The following NFIA variants were observed in gnomAD, a reference collection of about 807,000 sequenced individuals.
NFIA encodes nuclear factor 1 A-type.
NFIA carries 8 observed loss-of-function variants against 62.8 expected under a neutral mutation model. That is an observed-to-expected ratio of 0.13 (90% CI 0.07 to 0.23). The LOEUF (loss-of-function observed/expected upper bound fraction) is 0.23. Among genes scored for constraint, NFIA ranks in the 10% least tolerant of loss-of-function variants. The pLI is 1.00. For missense variants in NFIA, 410 were observed against 642.1 expected (o/e 0.64, Z 3.91); for synonymous variants, 235 against 238.1 (o/e 0.99, Z 0.12).
intron 2 of NFIA, among the ~76,000 whole-genome samples, chr1:61,115,272 C>A (rs902942455): frequency 1.1e-4 from 16 of 152,176 alleles, no homozygotes. Flanking sequence ...TGAGCTACTG[C>A]ACCCAGCCGC....
chr1:61,234,563 A>G (rs1654876172), intron 2 of NFIA, among the ~76,000 whole-genome samples: 1 of 152,090 alleles, frequency 6.6e-6, no homozygotes, highest in African/African-American at 2.4e-5. Context: ...TGCCCTTACT[A>G]ATCCCTTCAT....
chr1:61,339,029 A>G (rs1441316950), intron 4 of NFIA, among the ~76,000 whole-genome samples: 1 of 152,246 alleles, frequency 6.6e-6, no homozygotes, highest in African/African-American at 2.4e-5. Context: ...CCTAGCATGA[A>G]CAGTTGCCGT....
At chr1:61,160,828 A>G (rs1375156307) in intron 2 of NFIA, among the ~76,000 whole-genome samples, 1 of 152,202 alleles carries the variant, frequency 6.6e-6, no homozygotes, top group East Asian at 1.9e-4. Flanking sequence ...GTCACATTTT[A>G]TAGACTTTTC....
At chr1:61,221,771 A>G (rs1298888937) in intron 2 of NFIA, among the ~76,000 whole-genome samples, 1 of 152,132 alleles carries the variant, frequency 6.6e-6, no homozygotes, top group African/African-American at 2.4e-5. Flanking sequence ...GTAATTGAGC[A>G]ATGCATTCTG....
intron 3 of NFIA, among the ~76,000 whole-genome samples, chr1:61,286,687 C>T (rs1658523258): frequency 6.6e-6 from 1 of 152,106 alleles, no homozygotes; most frequent in Admixed American, 6.6e-5. Context: ...GGGAAGGAGA[C>T]AGACAATCAG....
intron 2 of NFIA, among the ~76,000 whole-genome samples, chr1:61,222,356 G>A (rs1012368161): frequency 3.3e-5 from 5 of 152,032 alleles, no homozygotes; most frequent in African/African-American, 1.2e-4. Context: ...TTAGAGTCTT[G>A]CAGTTGGGTT....
intron 2 of NFIA, among the ~76,000 whole-genome samples, chr1:61,249,354 A>G (rs1025705254): frequency 1.3e-5 from 2 of 152,240 alleles, no homozygotes; most frequent in African/African-American, 4.8e-5. Context: ...TATAGTTAGG[A>G]CAAACAATGA....
Position 61,277,386 on chromosome 1 carries a change from TTCA to T in NFIA, c.560-132_560-130del, listed in dbSNP as rs1657868230. The T allele has an allele frequency of 9.0e-6, 7 of 779,662 alleles. No individual in the cohort carries two copies. In the South Asian group the frequency reaches 1.2e-4, roughly 14 times the overall value. The allele number at this position is 779,662 out of a possible 1,614,324, so 48.3% of individuals were successfully genotyped here. A position where few individuals can be genotyped will look rare whatever the true frequency, so the allele number is the denominator to read the frequency against. On this transcript the variant is annotated intron_variant, in intron 2 of 10. Coordinates refer to ENST00000403491, the MANE Select transcript of NFIA (RefSeq NM_001134673.4). ...TTTTCTCTTTCCATCTTTTCTTTTTTTCATGTCTCATGTCATTTCTGTAATGTT... is the reference window on the plus strand; with the variant it reads ...TTTTCTCTTTCCATCTTTTCTTTTTTTGTCTCATGTCATTTCTGTAATGTT...
intron 7 of NFIA, among the ~76,000 whole-genome samples, chr1:61,402,630 C>T (rs1397812719): frequency 2.0e-5 from 3 of 152,254 alleles, no homozygotes; most frequent in Non-Finnish European, 2.9e-5. Context: ...TTTGAGACAT[C>T]CTCAATTGTA....
At chr1:61,239,520 A>C (rs572560925) in intron 2 of NFIA, among the ~76,000 whole-genome samples, 2 of 152,102 alleles carry the variant, frequency 1.3e-5, no homozygotes, top group Non-Finnish European at 2.9e-5. Context: ...CAACATAATA[A>C]CTCTTATTAG....
At position 61,316,684 on chromosome 1, in the gene NFIA, G is replaced by A. The variant is rs756083265; in HGVS notation, c.626-15828G>A. 4.6e-4 allele frequency among the ~76,000 whole-genome samples: 70 copies of A among 152,314 alleles called. 1 individual carries two copies. Among genetic ancestry groups the A allele is most frequent in the East Asian group, 9.6e-4 (5 of 5,190 alleles). Reference sequence around the variant, plus strand: ...GCCGAGTCTGAGATGTCCTCAACACGTTCTGTGAGTCAAAGGTTATGTTCC... The same window carrying A: ...GCCGAGTCTGAGATGTCCTCAACACATTCTGTGAGTCAAAGGTTATGTTCC... On this transcript the variant is annotated intron_variant, in intron 3 of 10. Coordinates refer to ENST00000403491, the MANE Select transcript of NFIA (RefSeq NM_001134673.4).
chr1:61,436,661 G>C (rs1008840322), intron 10 of NFIA, among the ~76,000 whole-genome samples: 1 of 152,080 alleles, frequency 6.6e-6, no homozygotes, highest in Non-Finnish European at 1.5e-5. Flanking sequence ...ACACCCACCT[G>C]CTTACCTTCC....
chr1:61,342,362 A>G (rs1661968845), intron 4 of NFIA, among the ~76,000 whole-genome samples: 1 of 152,002 alleles, frequency 6.6e-6, no homozygotes, highest in African/African-American at 2.4e-5. Context: ...TGGCAAAAAG[A>G]CCTCTTAGGC....
At chr1:61,278,751 A>G (rs60374119) in intron 3 of NFIA, among the ~76,000 whole-genome samples, 15,704 of 152,164 alleles carry the variant, frequency 0.1, 841 homozygotes, top group East Asian at 0.14. Context: ...AGATTGCGCC[A>G]CTGCACTCTA....
At chr1:61,373,205 G>A (rs1663990511) in intron 6 of NFIA, among the ~76,000 whole-genome samples, 1 of 152,092 alleles carries the variant, frequency 6.6e-6, no homozygotes, top group South Asian at 2.1e-4. Context: ...AACAGGTGGA[G>A]GTCAAAGCAG....
At chr1:61,166,815 A>G (rs184932616) in intron 2 of NFIA, among the ~76,000 whole-genome samples, 8 of 152,344 alleles carry the variant, frequency 5.3e-5, no homozygotes, top group Non-Finnish European at 1.0e-4. Flanking sequence ...GAGGATAAAT[A>G]TAGTGTTCTT....
intron 2 of NFIA, among the ~76,000 whole-genome samples, chr1:61,187,069 G>A (rs1245421655): frequency 1.3e-5 from 2 of 152,138 alleles, no homozygotes; most frequent in Non-Finnish European, 2.9e-5. Flanking sequence ...TGCTTTATTT[G>A]TAAAATGTCA....
At chr1:61,382,832 G>A (rs991986107) in intron 6 of NFIA, among the ~76,000 whole-genome samples, 1 of 152,016 alleles carries the variant, frequency 6.6e-6, no homozygotes, top group Non-Finnish European at 1.5e-5. Flanking sequence ...AAAGTGATTT[G>A]GTGTCAAAGC....
At chr1:61,191,389 A>G (rs1026034588) in intron 2 of NFIA, among the ~76,000 whole-genome samples, 2 of 152,136 alleles carry the variant, frequency 1.3e-5, no homozygotes, top group Non-Finnish European at 2.9e-5. Flanking sequence ...GATAAATGCT[A>G]AACGGGATTT....
Sources: gnomAD v4.1 joint callset for allele counts (sites outside exome capture counted in the v4.1 genomes callset) on GRCh38, gnomAD v4.1.1 for gene constraint, MANE v1.5 for transcripts, NCBI Gene and HGNC (gene_info 2026-07-23, HGNC 2026-07-21) for gene names.